SULT6B1: variants seen among roughly 807,000 people sequenced by gnomAD.
SULT6B1 encodes sulfotransferase family 6B member 1, also known as sulfotransferase 6B1.
In SULT6B1, 44 loss-of-function variants were observed where a neutral mutation model predicts 37.2. The ratio of observed to expected loss-of-function variants is 1.18; its 90% CI spans 0.93 to 1.52. The LOEUF (loss-of-function observed/expected upper bound fraction) is 1.52, where lower values mean the gene tolerates loss of function less well. Ranked by LOEUF, SULT6B1 falls within the 40% of genes most tolerant of loss-of-function variation. The pLI is 0.00. For missense variants in SULT6B1, 450 were observed against 361.0 expected (o/e 1.25, Z -2.00); for synonymous variants, 140 against 126.0 (o/e 1.11, Z -0.74).
In SULT6B1 at chr2:37,188,661, C is replaced by G; in HGVS notation, c.-21G>C. 1 of 898,062 alleles carries G rather than the reference C, an allele frequency of 1.1e-6. No individual in the cohort carries two copies. Among genetic ancestry groups the G allele is most frequent in the South Asian group, 1.4e-5 (1 of 71,172 alleles). The allele number at this position is 898,062 out of a possible 1,614,324, so 55.6% of individuals were successfully genotyped here. ...GCCATGGTGGCTCCCTGTAAAAGAACCTGCTCTGTGGCTGTTCAGGGGGAG... is the reference window on the plus strand; with the variant it reads ...GCCATGGTGGCTCCCTGTAAAAGAAGCTGCTCTGTGGCTGTTCAGGGGGAG... On this transcript the variant is annotated 5_prime_UTR_variant, in exon 1 of 7. Transcript: ENST00000535679.
intron 3 of SULT6B1, among the ~76,000 whole-genome samples, chr2:37,181,428 C>G (rs1005876053): frequency 6.6e-6 from 1 of 152,182 alleles, no homozygotes; most frequent in Admixed American, 6.6e-5. Flanking sequence ...GTTACCCAGG[C>G]TAGAGTGCAG....
intron 3 of SULT6B1, among the ~76,000 whole-genome samples, chr2:37,181,659 G>T (rs1676553221): frequency 6.6e-6 from 1 of 152,140 alleles, no homozygotes; most frequent in African/African-American, 2.4e-5. Flanking sequence ...TGGGATTACA[G>T]ATGTGAGCCA....
chr2:37,188,983 T>C (rs989971138), upstream of SULT6B1, among the ~76,000 whole-genome samples: 1 of 152,244 alleles, frequency 6.6e-6, no homozygotes, highest in African/African-American at 2.4e-5. Context: ...ATTTTTCTAT[T>C]AGAAATTCAC....
upstream of SULT6B1, among the ~76,000 whole-genome samples, chr2:37,189,047 G>A (rs1676732078): frequency 6.6e-6 from 1 of 152,186 alleles, no homozygotes; most frequent in Admixed American, 6.5e-5. Flanking sequence ...CATATCCTCT[G>A]TGGTGTGAAA....
intron 3 of SULT6B1, 128 bp downstream of exon 3, chr2:37,183,297 A>C: frequency 2.7e-6 from 2 of 737,008 alleles, no homozygotes; most frequent in Non-Finnish European, 2.2e-6. Context: ...AAACAAAAAC[A>C]AAAAAACTAA....
intron 4 of SULT6B1, among the ~76,000 whole-genome samples, chr2:37,179,226 G>A (rs1459535763): frequency 6.6e-6 from 1 of 152,180 alleles, no homozygotes; most frequent in African/African-American, 2.4e-5. Context: ...CCAAAGTGCT[G>A]GGATTACAGG....
At chr2:37,182,650 T>C (rs1395601467) in intron 3 of SULT6B1, among the ~76,000 whole-genome samples, 3 of 152,076 alleles carry the variant, frequency 2.0e-5, no homozygotes, top group Non-Finnish European at 4.4e-5. Flanking sequence ...TAAATCTTGA[T>C]TGTAACTAAT....
chr2:37,180,075 G>C (rs1458672562), intron 3 of SULT6B1, among the ~76,000 whole-genome samples: 1 of 152,214 alleles, frequency 6.6e-6, no homozygotes, highest in Non-Finnish European at 1.5e-5. Flanking sequence ...CTTTGATGAG[G>C]AAAGTGTTCC....
chr2:37,194,974 C>T (rs374238681), intron 1 of SULT6B1, among the ~76,000 whole-genome samples: 1 of 144,720 alleles, frequency 6.9e-6, no homozygotes, highest in African/African-American at 2.6e-5. Flanking sequence ...TTTTGAGACA[C>T]AGTCTTACTC....
intron 4 of SULT6B1, among the ~76,000 whole-genome samples, chr2:37,176,651 G>C (rs950264747): frequency 4.6e-5 from 7 of 152,108 alleles, no homozygotes; most frequent in African/African-American, 1.7e-4. Context: ...CAGTTTCTAT[G>C]TGTTTTATTT....
intron 3 of SULT6B1, among the ~76,000 whole-genome samples, chr2:37,181,495 T>G (rs558268837): frequency 2.0e-5 from 3 of 152,138 alleles, no homozygotes; most frequent in African/African-American, 7.2e-5. Flanking sequence ...ATCCTCCATC[T>G]CAGCCTCCCA....
At chr2:37,191,151 A>G (rs1329970785), upstream of SULT6B1, 1 of 151,352 alleles carries the variant, frequency 6.6e-6, no homozygotes, top group Non-Finnish European at 1.5e-5. Flanking sequence ...GCAGAAAGAC[A>G]CTTACAATGA....
At position 37,171,561 on chromosome 2, in the gene SULT6B1, A is replaced by G; in HGVS notation, c.654T>C (p.Ala218=). 2 of 1,613,880 alleles carry G rather than the reference A, an allele frequency of 1.2e-6. No homozygotes were observed. The highest frequency in any genetic ancestry group is 1.1e-5 in the South Asian group (1 of 90,954). Residue 218 remains alanine (A), a synonymous_variant, in exon 6 of 7, where the codon GCT becomes GCC. Coordinates refer to ENST00000535679, the MANE Select transcript of SULT6B1 (RefSeq NM_001367551.1). The part of the protein sequence containing the change: ...ENLAAGIKQI[A]EFLGFFLTGE... ...CAGTTAGAAAGAATCCCAAGAACTCAGCAATCTGTTTTATTCCAGCAGCCA... is the reference window on the plus strand; with the variant it reads ...CAGTTAGAAAGAATCCCAAGAACTCGGCAATCTGTTTTATTCCAGCAGCCA...
rs1376245844 is a variant in SULT6B1, at chr2:37,174,841, A to C, written c.624+291T>G. Among the ~76,000 whole-genome samples the C allele has an allele frequency of 5.3e-5, 8 of 152,104 alleles. No homozygotes were observed. The East Asian group carries it at 1.2e-3, about 22-fold the overall frequency. ...ACCAAGTGTATGTTCAATTAAATCA[A>C]CTCAGACCTACCTATTTTTTTTTAT... is the stretch of plus-strand genomic sequence containing the variant. On this transcript the variant is annotated intron_variant, in intron 5 of 6. Transcript: ENST00000535679.
chr2:37,193,609 G>GAAGAAGAAC (rs1558454877), upstream of SULT6B1, among the ~76,000 whole-genome samples: 1 of 135,874 alleles, frequency 7.4e-6, no homozygotes, highest in Non-Finnish European at 1.6e-5. Context: ...AGAAGAAGAA[G>GAAGAAGAAC]AAGAAGAAGA....
rs111268973 is a variant in SULT6B1, at chr2:37,179,271, T to C, written c.529+187A>G. On this transcript the variant is annotated intron_variant, in intron 4 of 6. Transcript: ENST00000535679. ...CCACACCTGGCCCCAAATTCGTTTTTAAAACAGCAATGCATTTAATTGTTG... is the reference window on the plus strand; with the variant it reads ...CCACACCTGGCCCCAAATTCGTTTTCAAAACAGCAATGCATTTAATTGTTG... 4.4e-3 allele frequency among the ~76,000 whole-genome samples: 665 copies of C among 152,320 alleles called. 6 individuals are homozygous for C. Among genetic ancestry groups the C allele is most frequent in the African/African-American group, 0.015 (627 of 41,586 alleles).
intron 6 of SULT6B1, among the ~76,000 whole-genome samples, chr2:37,168,569 G>A (rs898208852): frequency 1.3e-5 from 2 of 152,102 alleles, no homozygotes; most frequent in Admixed American, 6.5e-5. Context: ...ACATCACTAG[G>A]GGGAGCCATC....
intron 4 of SULT6B1, among the ~76,000 whole-genome samples, chr2:37,176,411 C>T (rs1413345452): frequency 2.6e-5 from 4 of 151,786 alleles, no homozygotes; most frequent in African/African-American, 9.7e-5. Context: ...AGGCACACAC[C>T]ACCATGCCTG....
chr2:37,194,829 CCTTTT>C (rs1676862144), intron 1 of SULT6B1: 2 of 151,880 alleles, frequency 1.3e-5, no homozygotes, highest in South Asian at 2.0e-4. Context: ...ATTCCAATGA[CCTTTT>C]CTTCTTTCTC....
Sources: gnomAD v4.1 joint callset for allele counts (sites outside exome capture counted in the v4.1 genomes callset) on GRCh38, gnomAD v4.1.1 for gene constraint, MANE v1.5 for transcripts, NCBI Gene and HGNC (gene_info 2026-07-23, HGNC 2026-07-21) for gene names.